The following DAB2IP variants were observed in gnomAD, a reference collection of about 807,000 sequenced individuals.
DAB2IP encodes DAB2 interacting protein.
DAB2IP carries 28 observed loss-of-function variants against 107.2 expected under a neutral mutation model. That is an observed-to-expected ratio of 0.26 (90% CI 0.19 to 0.36). The LOEUF (loss-of-function observed/expected upper bound fraction) is 0.36, where lower values mean the gene tolerates loss of function less well. Ranked by LOEUF, DAB2IP falls within the 10% of genes least tolerant of loss-of-function variation. The pLI is 1.00. For synonymous variants in DAB2IP, 755 were observed against 706.4 expected, an observed-to-expected ratio of 1.07 and a Z score of -1.09; for missense variants, 1,400 against 1,644.7, an observed-to-expected ratio of 0.85 and a Z score of 2.57.
At chr9:121,665,834 G>C (rs1833396793) in intron 1 of DAB2IP, among the ~76,000 whole-genome samples, 1 of 152,172 alleles carries the variant, frequency 6.6e-6, no homozygotes, top group African/African-American at 2.4e-5. Context: ...AGAGATGGGA[G>C]CCCTTGAAAT....
chr9:121,720,404 G>A (rs1830856682), intron 3 of DAB2IP, among the ~76,000 whole-genome samples: 1 of 152,188 alleles, frequency 6.6e-6, no homozygotes, highest in African/African-American at 2.4e-5. Context: ...GCCAGGCCCT[G>A]GAATAATTAA....
chr9:121,705,401 A>C (rs953939484), intron 3 of DAB2IP, among the ~76,000 whole-genome samples: 1 of 152,182 alleles, frequency 6.6e-6, no homozygotes, highest in African/African-American at 2.4e-5. Context: ...ATGGGGTGAG[A>C]CTGTATAAAG....
chr9:121,598,576 T>G (rs1830581063), intron 1 of DAB2IP: 1 of 152,242 alleles, frequency 6.6e-6, no homozygotes, highest in South Asian at 2.1e-4. Context: ...TCCCTGCCCC[T>G]GCTGGGGCCT....
intron 3 of DAB2IP, among the ~76,000 whole-genome samples, chr9:121,717,433 T>C (rs1830668819): frequency 6.6e-6 from 1 of 152,206 alleles, no homozygotes; most frequent in South Asian, 2.1e-4. Flanking sequence ...TACAGAAAAC[T>C]ATTTAACGCG....
chr9:121,576,917 G>C (rs1830073192), intron 1 of DAB2IP, among the ~76,000 whole-genome samples: 1 of 152,140 alleles, frequency 6.6e-6, no homozygotes, highest in Admixed American at 6.5e-5. Flanking sequence ...GCGTGTGTCA[G>C]AACCACTCCC....
chr9:121,624,680 T>C (rs1831580435), intron 1 of DAB2IP, among the ~76,000 whole-genome samples: 2 of 152,224 alleles, frequency 1.3e-5, no homozygotes, highest in Admixed American at 6.5e-5. Flanking sequence ...ACCCACCATC[T>C]AGCCTAGGCG....
intron 14 of DAB2IP, among the ~76,000 whole-genome samples, chr9:121,779,175 C>G (rs1476273279): frequency 6.6e-6 from 1 of 152,120 alleles, no homozygotes; most frequent in Non-Finnish European, 1.5e-5. Flanking sequence ...TTAATCTGAT[C>G]CAGTATTTTT....
At chr9:121,687,210 G>T (rs1268277101) in intron 2 of DAB2IP, among the ~76,000 whole-genome samples, 1 of 152,216 alleles carries the variant, frequency 6.6e-6, no homozygotes, top group Non-Finnish European at 1.5e-5. Context: ...GAGCAGCTCA[G>T]ATCCGGGAGC....
intron 2 of DAB2IP, among the ~76,000 whole-genome samples, chr9:121,692,303 G>T (rs1829204124): frequency 6.6e-6 from 1 of 152,150 alleles, no homozygotes. Flanking sequence ...TGATCAATGT[G>T]TATGTGTTTG....
At position 121,634,678 on chromosome 9, in the gene DAB2IP, G is replaced by C. The variant is rs1202660638; in HGVS notation, c.41-44000G>C. ...TGTGGAAGAGGAGCACCTTTCTCTG[G>C]GGAGAGCACTTCCGGGAGATGTAAC... On this transcript the variant is annotated intron_variant, in intron 1 of 16. Transcript: ENST00000259371. The surrounding 1 kb of genome is among the most constrained non-coding windows in gnomAD (Gnocchi z 4.7). Among the ~76,000 whole-genome samples the C allele has an allele frequency of 6.6e-6, 1 of 152,182 alleles. No individual in the cohort carries two copies. The highest frequency in any genetic ancestry group is 2.4e-5 in the African/African-American group (1 of 41,422).
At chr9:121,656,707 A>T (rs1198875905) in intron 1 of DAB2IP, among the ~76,000 whole-genome samples, 3 of 152,094 alleles carry the variant, frequency 2.0e-5, no homozygotes, top group Non-Finnish European at 4.4e-5. Context: ...CCTGGCAATG[A>T]GCTCAACTCT....
At chr9:121,606,616 C>T (rs887179113) in intron 1 of DAB2IP, among the ~76,000 whole-genome samples, 1 of 152,096 alleles carries the variant, frequency 6.6e-6, no homozygotes, top group Non-Finnish European at 1.5e-5. Context: ...AGGAGGCTCT[C>T]CTTATTGACG....
rs1466858737 is a variant in DAB2IP at position 121,662,686 on chromosome 9, G to T, written c.124+10787G>T. Among the ~76,000 whole-genome samples, 1 of 152,244 alleles carries T rather than the reference G, an allele frequency of 6.6e-6. No homozygotes were observed. The highest frequency in any genetic ancestry group is 2.4e-5 in the African/African-American group (1 of 41,458). On this transcript the variant is annotated intron_variant, in intron 1 of 15. Transcript: ENST00000408936. The surrounding 1 kb of genome is among the most constrained non-coding windows in gnomAD (Gnocchi z 4.6). ...TCCAGGCATAACTGGCCACCTAAAGGTGGTGGGTATCCTGCCTACATGTGC... is the reference window on the plus strand; with the variant it reads ...TCCAGGCATAACTGGCCACCTAAAGTTGGTGGGTATCCTGCCTACATGTGC...
intron 14 of DAB2IP, among the ~76,000 whole-genome samples, chr9:121,781,062 T>G (rs923610166): frequency 6.6e-6 from 1 of 152,230 alleles, no homozygotes; most frequent in Non-Finnish European, 1.5e-5. Flanking sequence ...CGTACAACTT[T>G]GTGAAGATGG....
intron 1 of DAB2IP, among the ~76,000 whole-genome samples, chr9:121,644,321 G>C (rs1482548903): frequency 6.6e-6 from 1 of 152,116 alleles, no homozygotes; most frequent in African/African-American, 2.4e-5. Flanking sequence ...GAAAGGCTGG[G>C]CGCAGTGGCT....
chr9:121,705,978 G>A (rs974976464), intron 3 of DAB2IP, among the ~76,000 whole-genome samples: 1 of 152,216 alleles, frequency 6.6e-6, no homozygotes, highest in Non-Finnish European at 1.5e-5. Flanking sequence ...GACCAAAAAG[G>A]CAAGAGGGAA....
chr9:121,594,904 T>G (rs1830496057), intron 1 of DAB2IP, among the ~76,000 whole-genome samples: 1 of 152,268 alleles, frequency 6.6e-6, no homozygotes, highest in Admixed American at 6.5e-5. Flanking sequence ...AGGCACTGAC[T>G]GGGTAGAGAT....
At chr9:121,756,395 AGT>A (rs1237319065) in intron 3 of DAB2IP, among the ~76,000 whole-genome samples, 1 of 152,044 alleles carries the variant, frequency 6.6e-6, no homozygotes, top group Non-Finnish European at 1.5e-5. Context: ...ACCCCGATGG[AGT>A]GTGTGTCTTG....
chr9:121,716,971 A>G (rs902978062), intron 3 of DAB2IP, among the ~76,000 whole-genome samples: 1 of 152,176 alleles, frequency 6.6e-6, no homozygotes, highest in African/African-American at 2.4e-5. Flanking sequence ...CCTAGCATCT[A>G]CCAGGAAGAC....
Sources: allele counts gnomAD v4.1 joint callset (sites outside exome capture counted in the v4.1 genomes callset), GRCh38; gene constraint gnomAD v4.1.1; non-coding constraint Gnocchi (gnomAD v3.1); transcripts MANE v1.5; gene names NCBI Gene and HGNC (gene_info 2026-07-23, HGNC 2026-07-21).